Variants in CCDC152 observed in about 807,000 individuals in gnomAD.
CCDC152 encodes the protein coiled-coil domain-containing protein 152.
CCDC152 carries 37 observed loss-of-function variants against 38.1 expected under a neutral mutation model. The ratio of observed to expected loss-of-function variants is 0.97; its 90% CI spans 0.75 to 1.28. The LOEUF is 1.28. Among genes scored for constraint, CCDC152 ranks in the 50% most tolerant of loss-of-function variants. CCDC152 has a pLI of 0.00. For missense variants in CCDC152, 259 were observed against 292.1 expected (o/e 0.89, Z 0.83); for synonymous variants, 83 against 87.1 (o/e 0.95, Z 0.26).
At chr5:42,787,212 G>A (rs983657036) in intron 6 of CCDC152, among the ~76,000 whole-genome samples, 4 of 151,796 alleles carry the variant, frequency 2.6e-5, no homozygotes, top group African/African-American at 9.7e-5. Flanking sequence ...TTATTTTTCA[G>A]CCTCCATGAT....
At chr5:42,777,149 G>A (rs944743263) in intron 4 of CCDC152, among the ~76,000 whole-genome samples, 1 of 152,048 alleles carries the variant, frequency 6.6e-6, no homozygotes, top group East Asian at 1.9e-4. Flanking sequence ...AAATTGACAA[G>A]TCTGTAGCCA....
chr5:42,762,756 AT>A (rs1314486254), intron 3 of CCDC152, among the ~76,000 whole-genome samples: 4 of 152,204 alleles, frequency 2.6e-5, no homozygotes, highest in Non-Finnish European at 1.5e-5. Context: ...GAAACATAGA[AT>A]GAGACAAGTT....
chr5:42,799,301 A>G lies in CCDC152; in HGVS notation c.559-74A>G, dbSNP rs552406681. The G allele has an allele frequency of 7.8e-4, 588 of 752,436 alleles. 8 individuals are homozygous for G. The South Asian group carries it at 0.01, about 13-fold the overall frequency. 46.6% of individuals were successfully genotyped at this position (752,436 alleles called of 1,614,324 possible). A position where few individuals can be genotyped will look rare whatever the true frequency, so the allele number is the denominator to read the frequency against. On this transcript the variant is annotated intron_variant, in intron 7 of 8. Transcript: ENST00000361970. ...TACAGATTACATGTCAAAGGATAAC[A>G]TGGATTATAATTATAGAAACAATTG...
intron 4 of CCDC152, among the ~76,000 whole-genome samples, chr5:42,772,438 G>A (rs1759711563): frequency 6.6e-6 from 1 of 152,050 alleles, no homozygotes; most frequent in African/African-American, 2.4e-5. Context: ...TGTGGCTCAC[G>A]CCTGTAATCC....
intron 1 of CCDC152, among the ~76,000 whole-genome samples, chr5:42,758,551 T>C (rs1344553078): frequency 6.6e-6 from 1 of 152,222 alleles, no homozygotes; most frequent in Non-Finnish European, 1.5e-5. Flanking sequence ...TAGCCAGCAT[T>C]TACATTCTGG....
At chr5:42,778,330 C>T (rs1478506329) in intron 4 of CCDC152, among the ~76,000 whole-genome samples, 8 of 151,996 alleles carry the variant, frequency 5.3e-5, no homozygotes, top group Admixed American at 5.2e-4. Context: ...CTGTCTCCAC[C>T]CCCCAAGAGA....
intron 3 of CCDC152, among the ~76,000 whole-genome samples, chr5:42,768,723 T>C (rs2973004): frequency 0.038 from 5,726 of 152,256 alleles, 258 homozygotes; most frequent in South Asian, 0.18. Flanking sequence ...CACACAATTG[T>C]ACCACACATT....
intron 4 of CCDC152, among the ~76,000 whole-genome samples, chr5:42,773,486 G>A: frequency 6.6e-6 from 1 of 152,126 alleles, no homozygotes; most frequent in East Asian, 1.9e-4. Context: ...TTCTAAAACT[G>A]AACAATTGCA....
intron 6 of CCDC152, among the ~76,000 whole-genome samples, chr5:42,791,002 G>A (rs765893666): frequency 6.6e-6 from 1 of 152,114 alleles, no homozygotes; most frequent in Non-Finnish European, 1.5e-5. Flanking sequence ...TGTGGTTCTT[G>A]TTGGCCTCTC....
Position 42,800,627 on chromosome 5 carries a change from C to A in CCDC152, c.*846C>A, listed in dbSNP as rs917569713. 1 of 1,403,500 alleles carries A rather than the reference C, an allele frequency of 7.1e-7. No individual in the cohort carries two copies. Among genetic ancestry groups the A allele is most frequent in the African/African-American group, 1.4e-5 (1 of 69,826 alleles). The allele number at this position is 1,403,500 out of a possible 1,614,324, so 86.9% of individuals were successfully genotyped here. The stretch of plus-strand genomic sequence containing the variant: ...CTCCATGTTTGCACAAATCTAATTT[C>A]TATTTTTGGTTCACTAATTTGGTAG... On this transcript the variant is annotated 3_prime_UTR_variant, in exon 9 of 9. Coordinates refer to ENST00000361970, the MANE Select transcript of CCDC152 (RefSeq NM_001134848.2).
intron 4 of CCDC152, among the ~76,000 whole-genome samples, chr5:42,778,633 C>G (rs1312480190): frequency 2.6e-5 from 4 of 152,148 alleles, no homozygotes; most frequent in Non-Finnish European, 4.4e-5. Flanking sequence ...TAAAGGGTCA[C>G]TAAATTCCTA....
At chr5:42,788,550 G>T (rs563212917) in intron 6 of CCDC152, among the ~76,000 whole-genome samples, 1 of 152,026 alleles carries the variant, frequency 6.6e-6, no homozygotes, top group Non-Finnish European at 1.5e-5. Context: ...ATGAGCCACC[G>T]TGCCTGGTCC....
chr5:42,783,529 G>T lies in CCDC152; in HGVS notation c.383G>T (p.Gly128Val), dbSNP rs1479646336. Residue 128 changes from glycine to valine, a missense_variant, in exon 6 of 9, where the codon GGA becomes GTA. Physicochemically the swap from Gly to Val is moderately radical, Grantham distance 109. Coordinates refer to ENST00000361970, the MANE Select transcript of CCDC152 (RefSeq NM_001134848.2). ...LVSEMKIKEE[G>V]YKKEISKLYQ... ...AGTGAAATGAAAATCAAAGAGGAGG[G>T]ATATAAGAAAGAAATAAGCAAACTT... 1.4e-6 allele frequency: 2 copies of T among 1,390,432 alleles called. No individual in the cohort carries two copies. Among genetic ancestry groups the T allele is most frequent in the East Asian group, 3.0e-5 (1 of 33,398 alleles). 86.1% of individuals were successfully genotyped at this position (1,390,432 alleles called of 1,614,324 possible).
intron 2 of CCDC152, among the ~76,000 whole-genome samples, chr5:42,761,430 C>T (rs1759551532): frequency 6.6e-6 from 1 of 152,146 alleles, no homozygotes; most frequent in African/African-American, 2.4e-5. Context: ...GCCTGGGCAA[C>T]ATGGTGAAAC....
chr5:42,781,348 A>G (rs1263548871), intron 5 of CCDC152, among the ~76,000 whole-genome samples: 3 of 152,180 alleles, frequency 2.0e-5, no homozygotes, highest in Admixed American at 2.0e-4. Context: ...GTCCATTCCT[A>G]CAAGTTGCCT....
In CCDC152 at chr5:42,801,127, G is replaced by A. The variant is rs1386256153; in HGVS notation, c.*1346G>A. ...TGCCTATGCTGACCCTTGTGCTTAT[G>A]GTGGTGATGAAGGCCTGGAGGAGCA... On this transcript the variant is annotated 3_prime_UTR_variant, in exon 9 of 9. Coordinates refer to ENST00000361970, the MANE Select transcript of CCDC152 (RefSeq NM_001134848.2). 1 of 1,614,110 alleles carries A rather than the reference G, an allele frequency of 6.2e-7. No homozygotes were observed. Among genetic ancestry groups the A allele is most frequent in the Non-Finnish European group, 8.5e-7 (1 of 1,179,992 alleles).
intron 4 of CCDC152, among the ~76,000 whole-genome samples, chr5:42,778,437 A>G (rs1025495060): frequency 6.6e-6 from 1 of 152,228 alleles, no homozygotes; most frequent in Non-Finnish European, 1.5e-5. Context: ...CTAGCCAGTG[A>G]TAAGGATCAT....
intron 3 of CCDC152, among the ~76,000 whole-genome samples, chr5:42,766,386 C>A (rs1404871722): frequency 6.6e-6 from 1 of 152,038 alleles, no homozygotes; most frequent in African/African-American, 2.4e-5. Context: ...AATAGAGCTA[C>A]CATAGGACCC....
At chr5:42,767,481 A>G (rs982371540) in intron 3 of CCDC152, among the ~76,000 whole-genome samples, 5 of 152,186 alleles carry the variant, frequency 3.3e-5, no homozygotes, top group South Asian at 2.1e-4. Flanking sequence ...ATACAGTATA[A>G]GAAATAGCTT....
Sources: gnomAD v4.1 joint callset for allele counts (sites outside exome capture counted in the v4.1 genomes callset) on GRCh38, gnomAD v4.1.1 for gene constraint, MANE v1.5 for transcripts, NCBI Gene and HGNC (gene_info 2026-07-23, HGNC 2026-07-21) for gene names.